TMTC2: variants seen among roughly 807,000 people sequenced by gnomAD.
TMTC2 encodes the protein transmembrane O-mannosyltransferase targeting cadherins 2, also known as protein O-mannosyl-transferase TMTC2.
TMTC2 carries 43 observed loss-of-function variants against 82.4 expected under a neutral mutation model. That is an observed-to-expected ratio of 0.52 (90% CI 0.41 to 0.67). The LOEUF (loss-of-function observed/expected upper bound fraction) is 0.67, where lower values mean the gene tolerates loss of function less well. Ranked by LOEUF, TMTC2 falls within the 30% of genes least tolerant of loss-of-function variation. The pLI, the probability that TMTC2 is intolerant of heterozygous loss-of-function variation, is 0.00. For synonymous variants in TMTC2, 408 were observed against 381.9 expected (o/e 1.07, Z -0.80); for missense variants, 919 against 1,012.4 (o/e 0.91, Z 1.25).
chr12:82,749,249 C>T (rs932541555), intron 1 of TMTC2, among the ~76,000 whole-genome samples: 3 of 152,304 alleles, frequency 2.0e-5, no homozygotes, highest in South Asian at 4.1e-4. Flanking sequence ...TGGGGACACA[C>T]GTTACCCAGA....
intron 8 of TMTC2, among the ~76,000 whole-genome samples, chr12:83,003,054 C>A (rs1035972861): frequency 1.3e-5 from 2 of 152,080 alleles, no homozygotes; most frequent in South Asian, 4.1e-4. Context: ...TGCCTTAAGT[C>A]TTTTCATCAC....
chr12:82,783,959 C>G (rs1236935837), intron 1 of TMTC2, among the ~76,000 whole-genome samples: 2 of 151,988 alleles, frequency 1.3e-5, no homozygotes, highest in Admixed American at 1.3e-4. Context: ...TAACAATATT[C>G]TACAAGTTGT....
intron 7 of TMTC2, among the ~76,000 whole-genome samples, chr12:82,981,221 C>G (rs1204379048): frequency 6.6e-6 from 1 of 151,846 alleles, no homozygotes; most frequent in East Asian, 1.9e-4. Flanking sequence ...ATTAGGAAAT[C>G]TATACTGTCT....
At chr12:82,882,256 C>T (rs1426665586) in intron 2 of TMTC2, among the ~76,000 whole-genome samples, 1 of 152,054 alleles carries the variant, frequency 6.6e-6, no homozygotes, top group East Asian at 1.9e-4. Flanking sequence ...GCCTCGGCCT[C>T]CCAAAGTGCT....
chr12:82,822,709 C>T (rs1182894250), intron 1 of TMTC2, among the ~76,000 whole-genome samples: 1 of 152,080 alleles, frequency 6.6e-6, no homozygotes, highest in Non-Finnish European at 1.5e-5. Flanking sequence ...TTCTCAAATT[C>T]CCAGTAGCAA....
intron 4 of TMTC2, among the ~76,000 whole-genome samples, chr12:82,954,848 A>C (rs1796188): frequency 0.69 from 105,043 of 152,068 alleles, 37,875 homozygotes; most frequent in South Asian, 0.84. Context: ...ATGTATTGTC[A>C]GAAGTAGGAA....
chr12:82,966,111 A>G (rs1387435029), intron 6 of TMTC2: 2 of 238,998 alleles, frequency 8.4e-6, no homozygotes, highest in Non-Finnish European at 1.6e-5. Context: ...AGTTTCTAGA[A>G]TTGTTACCCT....
chr12:82,774,821 A>G (rs1047867316), intron 1 of TMTC2, among the ~76,000 whole-genome samples: 40 of 151,596 alleles, frequency 2.6e-4, no homozygotes, highest in African/African-American at 9.5e-4. Context: ...TGTGTTTATT[A>G]CTTCTGCTCT....
At chr12:82,791,030 G>T (rs1313290104) in intron 1 of TMTC2, among the ~76,000 whole-genome samples, 4 of 151,886 alleles carry the variant, frequency 2.6e-5, no homozygotes, top group Non-Finnish European at 5.9e-5. Context: ...TCATCTCTGG[G>T]CTTCTGTATT....
chr12:82,975,109 T>A, intron 7 of TMTC2, among the ~76,000 whole-genome samples: 1 of 152,136 alleles, frequency 6.6e-6, no homozygotes, highest in Admixed American at 6.6e-5. Flanking sequence ...TCCATGATAC[T>A]AGAAGGCTTT....
Position 82,965,677 on chromosome 12 carries a change from A to T in TMTC2, c.1802A>T (p.His601Leu). The T allele has an allele frequency of 6.2e-7, 1 of 1,613,886 alleles. No individual in the cohort carries two copies. The change falls in exon 6 of 12, where the codon CAC (histidine) becomes CTC (leucine). Residue 601 changes from histidine to leucine, a missense_variant. His to Leu is a moderately conservative substitution (Grantham distance 99, BLOSUM62 -3). Coordinates refer to ENST00000321196, the MANE Select transcript of TMTC2 (RefSeq NM_152588.3). ...GAAAACCTAAAGGACCCTCATGCAC[A>T]CAAGAGCTCTGTTACCAGTTGTTTG... Reference protein sequence around the residue: ...PDENLKDPHAHKSSVTSCLYN... With the variant: ...PDENLKDPHALKSSVTSCLYN...
chr12:83,003,135 CT>C (rs1006040195), intron 8 of TMTC2, among the ~76,000 whole-genome samples: 3 of 152,048 alleles, frequency 2.0e-5, no homozygotes, highest in Admixed American at 2.0e-4. Flanking sequence ...ATAGTTAAGT[CT>C]TTTTGTTGAA....
intron 1 of TMTC2, among the ~76,000 whole-genome samples, chr12:82,784,617 C>T (rs1294912890): frequency 2.6e-5 from 4 of 152,072 alleles, no homozygotes; most frequent in African/African-American, 9.7e-5. Context: ...TTCTCATTCA[C>T]CTTAAAGCCA....
At position 82,926,958 on chromosome 12, in the gene TMTC2, C is replaced by G. The variant is rs1875752692; in HGVS notation, c.1484-3473C>G. On this transcript the variant is annotated intron_variant, in intron 3 of 11. Coordinates refer to ENST00000321196, the MANE Select transcript of TMTC2 (RefSeq NM_152588.3). ...GCCAGTGCACCTCGTCACCGAAGAA[C>G]TCTGACAGAAATGCACAAGGAGATT... Among the ~76,000 whole-genome samples the G allele has an allele frequency of 2.0e-5, 3 of 152,308 alleles. 1 individual carries two copies. Among genetic ancestry groups the G allele is most frequent in the Admixed American group, 2.0e-4 (3 of 15,298 alleles).
intron 2 of TMTC2, among the ~76,000 whole-genome samples, chr12:82,876,714 T>A (rs1382986698): frequency 6.6e-6 from 1 of 152,232 alleles, no homozygotes; most frequent in Non-Finnish European, 1.5e-5. Flanking sequence ...CAGGTTTTTT[T>A]CATTTCGTTT....
In TMTC2 at chr12:82,981,662, T is replaced by C. The variant is rs77792509; in HGVS notation, c.1949-4263T>C. On this transcript the variant is annotated intron_variant, in intron 7 of 11. Transcript: ENST00000321196. The stretch of plus-strand genomic sequence containing the variant: ...TGGGCACCATAAACGTTTTTTTCTA[T>C]TATTGTAAGTTAAGAAAAATTACGG... Among the ~76,000 whole-genome samples the C allele has an allele frequency of 9.1e-3, 1,385 of 152,032 alleles. 17 individuals are homozygous for C. The highest frequency in any genetic ancestry group is 0.032 in the African/African-American group (1,330 of 41,544).
At chr12:82,974,848 A>G (rs182991134) in intron 7 of TMTC2, among the ~76,000 whole-genome samples, 139 of 152,290 alleles carry the variant, frequency 9.1e-4, no homozygotes, top group Admixed American at 4.4e-3. Flanking sequence ...CTGTCTGTTC[A>G]GATTCTTTTC....
At chr12:83,105,408 T>A (rs1265443622) in intron 11 of TMTC2, among the ~76,000 whole-genome samples, 1 of 152,128 alleles carries the variant, frequency 6.6e-6, no homozygotes, top group Non-Finnish European at 1.5e-5. Context: ...AGTAAGAGGT[T>A]TAATTGGCTG....
Position 82,988,956 on chromosome 12 carries a change from G to C in TMTC2, c.2070+2910G>C, listed in dbSNP as rs906339075. Among the ~76,000 whole-genome samples the C allele has an allele frequency of 2.7e-5, 4 of 149,756 alleles. No homozygotes were observed. In the East Asian group the frequency reaches 7.9e-4, roughly 30 times the overall value. On this transcript the variant is annotated intron_variant, in intron 8 of 11. Coordinates refer to ENST00000321196, the MANE Select transcript of TMTC2 (RefSeq NM_152588.3). ...AACCAAGGATCATCAGTCATATCAGGAAAGACACAAATTAAAAAGACTGGA... is the reference window on the plus strand; with the variant it reads ...AACCAAGGATCATCAGTCATATCAGCAAAGACACAAATTAAAAAGACTGGA...
Sources: allele counts gnomAD v4.1 joint callset (sites outside exome capture counted in the v4.1 genomes callset), GRCh38; gene constraint gnomAD v4.1.1; transcripts MANE v1.5; gene names NCBI Gene and HGNC (gene_info 2026-07-23, HGNC 2026-07-21).